Variants in COA1 observed in about 807,000 individuals in gnomAD.
COA1 encodes the protein cytochrome c oxidase assembly factor 1 homolog.
COA1 carries 13 observed loss-of-function variants against 16.0 expected under a neutral mutation model. That is an observed-to-expected ratio of 0.81 (90% confidence interval 0.53 to 1.29). The LOEUF (loss-of-function observed/expected upper bound fraction) is 1.29, where lower values mean the gene tolerates loss of function less well. Among genes scored for constraint, COA1 ranks in the 50% most tolerant of loss-of-function variants. The pLI is 0.00. For synonymous variants in COA1, 65 were observed against 65.7 expected (o/e 0.99, Z 0.05); for missense variants, 179 against 177.0 (o/e 1.01, Z -0.06).
intron 6 of COA1, chr7:43,619,647 T>G (rs2083674277): frequency 1.9e-6 from 3 of 1,614,020 alleles, no homozygotes; most frequent in Non-Finnish European, 2.5e-6. Flanking sequence ...ACATTAAGAT[T>G]GTTGATTTTG....
chr7:43,683,992 CG>C (rs959701585), intron 1 of COA1, among the ~76,000 whole-genome samples: 4 of 152,100 alleles, frequency 2.6e-5, no homozygotes, highest in Non-Finnish European at 4.4e-5. Context: ...TCAATGGGAC[CG>C]GAATCATTTG....
intron 1 of COA1, among the ~76,000 whole-genome samples, chr7:43,664,129 G>GAGAGAGAGAGAGAGAGAGAGTC (rs1563303333): frequency 1.3e-5 from 2 of 148,910 alleles, no homozygotes; most frequent in Non-Finnish European, 3.0e-5. Context: ...GAGAGAGAGA[G>GAGAGAGAGAGAGAGAGAGAGTC]AGTCTTGCTA....
intron 1 of COA1, among the ~76,000 whole-genome samples, chr7:43,668,986 A>G (rs1045299701): frequency 3.9e-5 from 6 of 152,212 alleles, no homozygotes; most frequent in East Asian, 1.9e-4. Context: ...ACTCAATACT[A>G]TAACTTGAAT....
At chr7:43,655,972 G>A (rs545408483) in intron 1 of COA1, 2 of 152,364 alleles carry the variant, frequency 1.3e-5, no homozygotes, top group South Asian at 4.1e-4. Context: ...GGCCTAAGAT[G>A]GGTGGGAGGG....
intron 1 of COA1, among the ~76,000 whole-genome samples, chr7:43,727,437 T>C (rs919232688): frequency 6.6e-6 from 1 of 152,180 alleles, no homozygotes; most frequent in Admixed American, 6.5e-5. Flanking sequence ...ACAGCAGCAT[T>C]ACACATAATG....
chr7:43,623,781 A>G, intron 6 of COA1: 1 of 1,609,214 alleles, frequency 6.2e-7, no homozygotes. Context: ...AACAAGAAAC[A>G]TTCTTAAACA....
At chr7:43,610,346 CAAAAAAAAAAA>C (rs138859141) in intron 6 of COA1, among the ~76,000 whole-genome samples, 3 of 41,314 alleles carry the variant, frequency 7.3e-5, no homozygotes, top group Non-Finnish European at 1.2e-4. Context: ...GACTCCGTCT[CAAAAAAAAAAA>C]AAAAAAAAAA....
Position 43,645,278 on chromosome 7 carries a change from T to A in COA1, c.237A>T (p.Glu79Asp). ...TGGCATCAACAATGTCCACGAAGTTTTCCCTGTCGATGAGCTTGAGATAAT... is the reference window on the plus strand; with the variant it reads ...TGGCATCAACAATGTCCACGAAGTTATCCCTGTCGATGAGCTTGAGATAAT... ...NIHYLKLIDR[E>D]NFVDIVDAKL... The change falls in exon 4 of 6, where the codon GAA becomes GAT. Residue 79 changes from glutamate (E) to aspartate (D), a missense_variant. Coordinates refer to ENST00000223336, the MANE Select transcript of COA1 (RefSeq NM_018224.4). The A allele has an allele frequency of 2.5e-6, 4 of 1,614,040 alleles. No homozygotes were observed. Among genetic ancestry groups the A allele is most frequent in the Middle Eastern group, 1.6e-4 (1 of 6,062 alleles).
chr7:43,633,326 CCT>C (rs1407594571), intron 6 of COA1: 12 of 152,218 alleles, frequency 7.9e-5, no homozygotes, highest in African/African-American at 2.9e-4. Flanking sequence ...AGCTTCCTCA[CCT>C]CTCACATTTA....
At chr7:43,624,453 A>C in intron 6 of COA1, 1 of 1,471,126 alleles carries the variant, frequency 6.8e-7, no homozygotes, top group Non-Finnish European at 9.1e-7. Flanking sequence ...TAAATACAGT[A>C]CCTTATGCTC....
intron 1 of COA1, chr7:43,648,936 C>T: frequency 3.3e-6 from 1 of 304,964 alleles, no homozygotes; most frequent in South Asian, 5.8e-5. Context: ...CCGCAGACAG[C>T]AAGTGCTTTG....
At chr7:43,684,523 G>A (rs111829373) in intron 1 of COA1, among the ~76,000 whole-genome samples, 8,290 of 152,154 alleles carry the variant, frequency 0.054, 762 homozygotes, top group African/African-American at 0.19. Context: ...CTCAGTCATC[G>A]TGCATTACTT....
chr7:43,670,601 C>T (rs966089956), intron 1 of COA1, among the ~76,000 whole-genome samples: 11 of 152,050 alleles, frequency 7.2e-5, no homozygotes, highest in East Asian at 1.9e-4. Flanking sequence ...TTAGCCTAGT[C>T]GGGTAGATTA....
At chr7:43,628,958 CTTAT>C (rs2084905308) in intron 6 of COA1, among the ~76,000 whole-genome samples, 1 of 152,190 alleles carries the variant, frequency 6.6e-6, no homozygotes, top group Admixed American at 6.5e-5. Context: ...TGAAGATACT[CTTAT>C]TTTTCTTAGG....
chr7:43,705,816 G>A (rs1039172874), intron 1 of COA1, among the ~76,000 whole-genome samples: 17 of 152,250 alleles, frequency 1.1e-4, no homozygotes, highest in African/African-American at 3.6e-4. Flanking sequence ...CCAGAGGTCC[G>A]CGGCAAGAGT....
intron 1 of COA1, among the ~76,000 whole-genome samples, chr7:43,688,955 A>G (rs962543542): frequency 2.6e-5 from 4 of 152,264 alleles, no homozygotes; most frequent in African/African-American, 9.6e-5. Flanking sequence ...CAATGTGCCC[A>G]GCTACAAATT....
intron 3 of COA1, chr7:43,645,638 C>T (rs2089064483): frequency 2.4e-6 from 1 of 420,282 alleles, no homozygotes; most frequent in Non-Finnish European, 4.4e-6. Context: ...TGACCTCATG[C>T]AGACCCTTTC....
chr7:43,645,232 C>A lies in COA1; in HGVS notation c.264+19G>T. The A allele has an allele frequency of 6.2e-7, 1 of 1,612,572 alleles. No individual in the cohort carries two copies. The highest frequency in any genetic ancestry group is 1.1e-5 in the South Asian group (1 of 90,862). On this transcript the variant is annotated intron_variant, in intron 4 of 5. Coordinates refer to ENST00000223336, the MANE Select transcript of COA1 (RefSeq NM_018224.4). ...CTTCAGCAGGCACCAGCCTGCGGTT[C>A]GCAGGGAAAGCACATTACCTTGGCA... is the stretch of plus-strand genomic sequence containing the variant.
In COA1 at chr7:43,645,235, A is replaced by G. The variant is rs1433433432; in HGVS notation, c.264+16T>C. 6.2e-7 allele frequency: 1 copy of G among 1,612,992 alleles called. No homozygotes were observed. Among genetic ancestry groups the G allele is most frequent in the South Asian group, 1.1e-5 (1 of 90,956 alleles). ...CAGCAGGCACCAGCCTGCGGTTCGC[A>G]GGGAAAGCACATTACCTTGGCATCA... On this transcript the variant is annotated intron_variant, in intron 4 of 5. Transcript: ENST00000223336.
Sources: gnomAD v4.1 joint callset for allele counts (sites outside exome capture counted in the v4.1 genomes callset) on GRCh38, gnomAD v4.1.1 for gene constraint, MANE v1.5 for transcripts, NCBI Gene and HGNC (gene_info 2026-07-23, HGNC 2026-07-21) for gene names.